Variants in ZNF717 observed in about 807,000 individuals in gnomAD.
ZNF717 encodes the protein krueppel-like factor X17.
A neutral mutation model predicts 13.8 loss-of-function variants in ZNF717; 9 were observed. The observed-to-expected ratio is 0.65, with a 90% CI of 0.39 to 1.14. ZNF717 has a LOEUF of 1.14. Among genes scored for constraint, ZNF717 ranks in the 50% most tolerant of loss-of-function variants. The pLI, the probability that ZNF717 is intolerant of heterozygous loss-of-function variation, is 0.01. For missense variants in ZNF717, 1,040 were observed against 1,080.7 expected, an observed-to-expected ratio of 0.96 and a Z score of 0.53; for synonymous variants, 327 against 364.1, an observed-to-expected ratio of 0.90 and a Z score of 1.16.
intron 2 of ZNF717, among the ~76,000 whole-genome samples, chr3:75,766,099 C>A (rs1433254378): frequency 6.6e-6 from 1 of 151,880 alleles, no homozygotes; most frequent in Admixed American, 6.6e-5. Context: ...AGAGCAAGAC[C>A]CTGTCTTAAA....
intron 2 of ZNF717, among the ~76,000 whole-genome samples, chr3:75,750,511 A>G (rs1484323933): frequency 6.6e-6 from 1 of 151,730 alleles, no homozygotes; most frequent in Non-Finnish European, 1.5e-5. Context: ...TGCCCCTCAC[A>G]TAGGATTCCA....
intron 5 of ZNF717, among the ~76,000 whole-genome samples, chr3:75,712,646 G>A (rs1937964484): frequency 6.6e-6 from 1 of 151,958 alleles, no homozygotes; most frequent in African/African-American, 2.4e-5. Context: ...TTTAGTTTAG[G>A]ATGAAAATTT....
At chr3:75,732,941 A>C (rs918995086), downstream of ZNF717, among the ~76,000 whole-genome samples, 1 of 152,214 alleles carries the variant, frequency 6.6e-6, no homozygotes, top group Non-Finnish European at 1.5e-5. Flanking sequence ...TTTTAAAAAA[A>C]AATCTCTGAG....
In ZNF717 at chr3:75,736,828, T is replaced by G; in HGVS notation, c.*50A>C. ...CATTTGTGTCCATATTCTCCTAGAC[T>G]GAGCATGGAGAAATCTGTAATAGTA... On this transcript the variant is annotated 3_prime_UTR_variant, in exon 5 of 5. Transcript: ENST00000652011. 6.7e-7 allele frequency: 1 copy of G among 1,484,398 alleles called. No homozygotes were observed. The highest frequency in any genetic ancestry group is 9.0e-7 in the Non-Finnish European group (1 of 1,112,826). 92.0% of individuals were successfully genotyped at this position (1,484,398 alleles called of 1,614,324 possible).
intron 2 of ZNF717, among the ~76,000 whole-genome samples, chr3:75,774,173 C>A (rs1418812183): frequency 6.7e-6 from 1 of 149,710 alleles, no homozygotes; most frequent in African/African-American, 2.5e-5. Flanking sequence ...ATTTGTTTCC[C>A]TTGTAAATAA....
At chr3:75,728,499 T>A (rs1360937675), downstream of ZNF717, among the ~76,000 whole-genome samples, 61 of 152,332 alleles carry the variant, frequency 4.0e-4, no homozygotes, top group African/African-American at 1.4e-3. Context: ...CCCACCCAAA[T>A]CTCACCATAA....
chr3:75,773,108 T>C (rs1414440023), intron 2 of ZNF717, among the ~76,000 whole-genome samples: 1 of 152,166 alleles, frequency 6.6e-6, no homozygotes, highest in Non-Finnish European at 1.5e-5. Flanking sequence ...AATGATAATA[T>C]TGGAACGGTT....
At chr3:75,730,351 GT>G (rs1938453455) in exon 6 of ZNF717, 1 of 338,748 alleles carries the variant, frequency 3.0e-6, no homozygotes. Flanking sequence ...GGAAGCAATA[GT>G]TAAAAAAAAA....
chr3:75,774,973 T>C (rs1319265049), intron 2 of ZNF717, among the ~76,000 whole-genome samples: 1 of 151,880 alleles, frequency 6.6e-6, no homozygotes, highest in Non-Finnish European at 1.5e-5. Context: ...TTACCTGTTT[T>C]GTTTTGAGAC....
At position 75,745,153 on chromosome 3, in the gene ZNF717, G is replaced by GTTTTTT. The variant is rs765947465; in HGVS notation, c.58-3418_58-3417insAAAAAA. On this transcript the variant is annotated intron_variant, in intron 2 of 4. Coordinates refer to ENST00000652011, the MANE Select transcript of ZNF717 (RefSeq NM_001290208.3). ...CCTCACAACACTGCTGCTGTGGTCT[G>GTTTTTT]TTGTTTTTTTTTTTCTTTCTGTCTT... Among the ~76,000 whole-genome samples the GTTTTTT allele has an allele frequency of 1.7e-5, 2 of 118,216 alleles. 1 individual carries two copies. The highest frequency in any genetic ancestry group is 4.3e-4 in the East Asian group (2 of 4,666). The allele number at this position is 118,216 out of a possible 152,430, so 77.6% of individuals were successfully genotyped here. A position where few individuals can be genotyped will look rare whatever the true frequency, so the allele number is the denominator to read the frequency against.
Position 75,754,692 on chromosome 3 carries a change from A to T in ZNF717, c.58-12956T>A, listed in dbSNP as rs553213033. On this transcript the variant is annotated intron_variant, in intron 2 of 4. Transcript: ENST00000652011. ...AGAAAAACACTGAAATGAACAAAAG[A>T]TGATATCCAAGACTGTGGGACAACT... 9.2e-5 allele frequency among the ~76,000 whole-genome samples: 14 copies of T among 152,340 alleles called. No individual in the cohort carries two copies. In the South Asian group the frequency reaches 2.5e-3, roughly 27 times the overall value.
rs1170662109 is a variant in ZNF717 at position 75,768,600 on chromosome 3, GGGAGGGGGGTAGA to G, written c.57+14693_57+14705del. On this transcript the variant is annotated intron_variant, in intron 2 of 4. Transcript: ENST00000652011. ...TTCAGTCCTCACTGCGGCTGAGTGT[GGGAGGGGGGTAGA>G]TGACAGCCCACCACAACCTGATTCA... 2.8e-5 allele frequency among the ~76,000 whole-genome samples: 4 copies of G among 143,918 alleles called. No homozygotes were observed. The East Asian group carries it at 8.5e-4, about 31-fold the overall frequency. The allele number at this position is 143,918 out of a possible 152,430, so 94.4% of individuals were successfully genotyped here. A position where few individuals can be genotyped will look rare whatever the true frequency, so the allele number is the denominator to read the frequency against.
chr3:75,740,812 T>C (rs7642006), intron 4 of ZNF717, among the ~76,000 whole-genome samples: 16 of 139,926 alleles, frequency 1.1e-4, no homozygotes, highest in South Asian at 2.3e-4. Context: ...GTCTGAGAAA[T>C]AGAGTGAGAA....
chr3:75,723,407 G>A (rs1402667356), intron 4 of ZNF717, among the ~76,000 whole-genome samples: 2 of 151,900 alleles, frequency 1.3e-5, no homozygotes, highest in African/African-American at 4.8e-5. Flanking sequence ...AGCCACCCAG[G>A]TGCCAACGCA....
rs969129735 is a variant in ZNF717 at position 75,751,856 on chromosome 3, G to C, written c.58-10120C>G. Among the ~76,000 whole-genome samples, 1,472 of 151,764 alleles carry C rather than the reference G, an allele frequency of 9.7e-3. 12 individuals are homozygous for C. Among genetic ancestry groups the C allele is most frequent in the South Asian group, 0.031 (147 of 4,800 alleles). On this transcript the variant is annotated intron_variant, in intron 2 of 4. Coordinates refer to ENST00000652011, the MANE Select transcript of ZNF717 (RefSeq NM_001290208.3). ...TTCTGAGTGTTTCTCCCTCACGTAA[G>C]ATTTCAGAACACTACTACGATGGTA...
chr3:75,710,203 T>A (rs1177327644), exon 6 of ZNF717: 3 of 152,264 alleles, frequency 2.0e-5, no homozygotes, highest in Admixed American at 6.5e-5. Flanking sequence ...AATAGGACAA[T>A]TCTAGTTTGC....
exon 6 of ZNF717, chr3:75,709,823 C>T (rs3009068): frequency 0.42 from 63,083 of 151,962 alleles, 13,518 homozygotes; most frequent in South Asian, 0.61. Flanking sequence ...CTTTTGTGCT[C>T]CAGATCTTTT....
At chr3:75,765,035 A>ATGTGTGTGTGTGTGTGTGTG in intron 2 of ZNF717, among the ~76,000 whole-genome samples, 1 of 81,806 alleles carries the variant, frequency 1.2e-5, no homozygotes, top group South Asian at 3.8e-4. Flanking sequence ...ATATATGTAT[A>ATGTGTGTGTGTGTGTGTGTG]TGTGTGTGTG....
At chr3:75,726,131 T>C (rs1289401465), downstream of ZNF717, among the ~76,000 whole-genome samples, 6 of 152,252 alleles carry the variant, frequency 3.9e-5, no homozygotes, top group Non-Finnish European at 1.5e-5. Context: ...AAATAGGATT[T>C]TAAAATAAGT....
Sources: gnomAD v4.1 joint callset for allele counts (sites outside exome capture counted in the v4.1 genomes callset) on GRCh38, gnomAD v4.1.1 for gene constraint, MANE v1.5 for transcripts, NCBI Gene and HGNC (gene_info 2026-07-23, HGNC 2026-07-21) for gene names.